The following PEPD variants were observed in gnomAD, a reference collection of about 807,000 sequenced individuals.
The protein encoded by PEPD is peptidase D, also known as xaa-Pro dipeptidase.
Under a neutral mutation model 60.7 loss-of-function variants are expected in PEPD, and 53 were observed. The ratio of observed to expected loss-of-function variants is 0.87; its 90% CI spans 0.70 to 1.10. PEPD has a LOEUF of 1.10. Ranked by LOEUF, PEPD falls within the 50% of genes least tolerant of loss-of-function variation. PEPD has a pLI of 0.00. For synonymous variants in PEPD, 267 were observed against 284.1 expected, an observed-to-expected ratio of 0.94 and a Z score of 0.60; for missense variants, 711 against 711.9, an observed-to-expected ratio of 1.00 and a Z score of 0.01.
chr19:33,413,516 C>T, intron 10 of PEPD, 59 bp downstream of exon 10: 3 of 956,354 alleles, frequency 3.1e-6, no homozygotes, highest in South Asian at 2.8e-5. Flanking sequence ...CCCCCACTCA[C>T]TAACTGCCCT....
chr19:33,405,816 G>A (rs1364940927), intron 11 of PEPD, among the ~76,000 whole-genome samples: 1 of 152,118 alleles, frequency 6.6e-6, no homozygotes, highest in African/African-American at 2.4e-5. Flanking sequence ...CTTTTCGTGT[G>A]ACGGCCACTC....
intron 5 of PEPD, among the ~76,000 whole-genome samples, chr19:33,490,417 T>A (rs1970476711): frequency 6.6e-6 from 1 of 152,126 alleles, no homozygotes; most frequent in African/African-American, 2.4e-5. Context: ...CCCAGCCTGG[T>A]CCATCTTCCC....
intron 12 of PEPD, 32 bp from the exon 13 acceptor site, chr19:33,391,511 A>G (rs1435740238): frequency 1.3e-6 from 2 of 1,538,686 alleles, no homozygotes; most frequent in Admixed American, 3.9e-5. Flanking sequence ...CGTGAGCCAC[A>G]GAGCCCAGCA....
At position 33,391,471 on chromosome 19, in the gene PEPD, A is replaced by G. The variant is rs1236848348; in HGVS notation, c.976T>C (p.Trp326Arg). The G allele has an allele frequency of 6.5e-7, 1 of 1,550,282 alleles. No individual in the cohort carries two copies. Among genetic ancestry groups the G allele is most frequent in the Non-Finnish European group, 8.7e-7 (1 of 1,147,370 alleles). ...VMGAMKPGVW[W>R]PDMHRLADRI... ...TCAGCCAGGCGGTGCATGTCAGGCC[A>G]CCAGACACCTGTGGGCCAGAGGGAG... Residue 326 changes from tryptophan (W) to arginine (R), a missense_variant, in exon 13 of 15, where the codon TGG (tryptophan) becomes CGG (arginine). By Grantham distance (101) the Trp-to-Arg change is moderately radical. Coordinates refer to ENST00000244137, the MANE Select transcript of PEPD (RefSeq NM_000285.4).
At chr19:33,412,845 G>A (rs1376965776) in intron 10 of PEPD, among the ~76,000 whole-genome samples, 1 of 152,208 alleles carries the variant, frequency 6.6e-6, no homozygotes, top group Non-Finnish European at 1.5e-5. Flanking sequence ...GGCTGGGAGA[G>A]CGCAGGAGAC....
intron 3 of PEPD, 86 bp from the exon 4 acceptor site, chr19:33,501,087 T>C (rs1266655658): frequency 3.6e-6 from 3 of 839,186 alleles, no homozygotes; most frequent in African/African-American, 1.7e-5. Flanking sequence ...GCCCAGGCCA[T>C]GGAGCCCCAG....
intron 11 of PEPD, among the ~76,000 whole-genome samples, chr19:33,406,126 C>A (rs565713995): frequency 1.3e-5 from 2 of 152,332 alleles, no homozygotes; most frequent in East Asian, 1.9e-4. Flanking sequence ...GAGGCCCGGG[C>A]GTCAGGGCAG....
chr19:33,429,237 GA>G (rs2145393336), intron 9 of PEPD, among the ~76,000 whole-genome samples: 1 of 152,294 alleles, frequency 6.6e-6, no homozygotes, highest in South Asian at 2.1e-4. Flanking sequence ...GCATGAGCAA[GA>G]AATGAGCCTT....
intron 11 of PEPD, among the ~76,000 whole-genome samples, chr19:33,409,017 AT>A (rs1158047931): frequency 6.6e-6 from 1 of 152,232 alleles, no homozygotes; most frequent in Non-Finnish European, 1.5e-5. Flanking sequence ...CAAATCACCA[AT>A]TTGGACTTGG....
chr19:33,434,617 G>C (rs1040032387), intron 9 of PEPD, among the ~76,000 whole-genome samples: 1 of 152,128 alleles, frequency 6.6e-6, no homozygotes, highest in South Asian at 2.1e-4. Context: ...GGCCTCCCTT[G>C]GTCTCGGGGG....
At chr19:33,399,943 G>A (rs1227620653) in intron 12 of PEPD, among the ~76,000 whole-genome samples, 2 of 152,050 alleles carry the variant, frequency 1.3e-5, no homozygotes, top group African/African-American at 4.8e-5. Context: ...GCCTGTTTGG[G>A]GCTTAAGTAA....
At chr19:33,398,149 G>A (rs547156614) in intron 12 of PEPD, among the ~76,000 whole-genome samples, 61 of 152,308 alleles carry the variant, frequency 4.0e-4, no homozygotes, top group African/African-American at 1.3e-3. Context: ...CCTGCTCCCC[G>A]TGGCCTGGTG....
intron 4 of PEPD, among the ~76,000 whole-genome samples, chr19:33,498,073 C>A (rs1039557640): frequency 1.3e-5 from 2 of 152,000 alleles, no homozygotes; most frequent in South Asian, 2.1e-4. Flanking sequence ...CCTCCCGCAG[C>A]GGGAGGGCCA....
chr19:33,407,439 AGAC>A (rs1321259488), intron 11 of PEPD, among the ~76,000 whole-genome samples: 1 of 152,200 alleles, frequency 6.6e-6, no homozygotes, highest in Non-Finnish European at 1.5e-5. Flanking sequence ...GGGGCTCAGA[AGAC>A]GACCAGGAGA....
At chr19:33,408,132 GCCAGCCCCAAACCCCGCT>G (rs1968678380) in intron 11 of PEPD, among the ~76,000 whole-genome samples, 3 of 152,260 alleles carry the variant, frequency 2.0e-5, no homozygotes, top group Admixed American at 6.5e-5. Context: ...GGGGGGCCTA[GCCAGCCCCAAACCCCGCT>G]TGATGTACGC....
At chr19:33,477,993 T>C (rs1184481033) in intron 7 of PEPD, 53 bp downstream of exon 7, 2 of 1,276,762 alleles carry the variant, frequency 1.6e-6, no homozygotes, top group Non-Finnish European at 2.3e-6. Context: ...GGGCATTCCA[T>C]CCCCATGAGC....
At chr19:33,483,138 T>G (rs1600151388) in intron 6 of PEPD, among the ~76,000 whole-genome samples, 1 of 152,194 alleles carries the variant, frequency 6.6e-6, no homozygotes, top group East Asian at 1.9e-4. Flanking sequence ...AAAATAACAA[T>G]ATGAAATATC....
intron 12 of PEPD, among the ~76,000 whole-genome samples, chr19:33,393,930 T>C (rs1194187831): frequency 2.0e-5 from 3 of 152,258 alleles, no homozygotes; most frequent in Admixed American, 2.0e-4. Flanking sequence ...GGTCTCTGCA[T>C]AAAAGCTGTC....
intron 13 of PEPD, among the ~76,000 whole-genome samples, chr19:33,390,885 C>CTCA (rs959529646): frequency 7.3e-4 from 111 of 152,250 alleles, no homozygotes; most frequent in Middle Eastern, 3.4e-3. Context: ...TGGGTGGGGC[C>CTCA]TCATCAACTC....
Sources: gnomAD v4.1 joint callset for allele counts (sites outside exome capture counted in the v4.1 genomes callset) on GRCh38, gnomAD v4.1.1 for gene constraint, MANE v1.5 for transcripts, NCBI Gene and HGNC (gene_info 2026-07-23, HGNC 2026-07-21) for gene names.